Variants in COX7B2 observed in about 807,000 individuals in gnomAD.
The protein encoded by COX7B2 is cytochrome c oxidase subunit 7B2.
For synonymous variants in COX7B2, 37 were observed against 32.1 expected, an observed-to-expected ratio of 1.15 and a Z score of -0.51; for missense variants, 109 against 95.9, an observed-to-expected ratio of 1.14 and a Z score of -0.57.
intron 2 of COX7B2, among the ~76,000 whole-genome samples, chr4:46,771,696 A>G (rs1392859168): frequency 1.3e-5 from 2 of 152,142 alleles, no homozygotes; most frequent in Non-Finnish European, 2.9e-5. Context: ...TCAGATTCTC[A>G]GATTAGAGAT....
chr4:46,781,951 G>A (rs1295721735), intron 2 of COX7B2, among the ~76,000 whole-genome samples: 1 of 152,152 alleles, frequency 6.6e-6, no homozygotes, highest in Non-Finnish European at 1.5e-5. Flanking sequence ...ATCCCGCCCG[G>A]AGGGCTCCTG....
chr4:46,889,325 C>T (rs1043744117), intron 1 of COX7B2, among the ~76,000 whole-genome samples: 10 of 152,160 alleles, frequency 6.6e-5, no homozygotes, highest in African/African-American at 2.2e-4. Context: ...GTCACCTATT[C>T]CCTGGATGTA....
intron 2 of COX7B2, among the ~76,000 whole-genome samples, chr4:46,804,744 A>G (rs554851003): frequency 1.0e-3 from 158 of 152,308 alleles, no homozygotes; most frequent in African/African-American, 3.6e-3. Context: ...TCCCCACCAG[A>G]CTCAGGAGCC....
At chr4:46,832,310 A>G (rs1300574176) in intron 2 of COX7B2, among the ~76,000 whole-genome samples, 6 of 152,130 alleles carry the variant, frequency 3.9e-5, no homozygotes, top group African/African-American at 1.4e-4. Context: ...TGAACATCAG[A>G]AGGAACAAAC....
chr4:46,908,913 G>A (rs1023951361), intron 1 of COX7B2, among the ~76,000 whole-genome samples: 3 of 151,844 alleles, frequency 2.0e-5, no homozygotes, highest in South Asian at 2.1e-4. Flanking sequence ...GCGTGGTGGC[G>A]GGCCCCTGTA....
At chr4:46,753,792 GA>G (rs1715565405) in intron 2 of COX7B2, among the ~76,000 whole-genome samples, 1 of 151,950 alleles carries the variant, frequency 6.6e-6, no homozygotes. Context: ...CAGAATGGGA[GA>G]AAATTTTTGC....
At chr4:46,786,688 G>A (rs1171953867) in intron 2 of COX7B2, among the ~76,000 whole-genome samples, 1 of 152,150 alleles carries the variant, frequency 6.6e-6, no homozygotes, top group Admixed American at 6.5e-5. Flanking sequence ...AAAGTAGCCT[G>A]AAGAAGCCTG....
chr4:46,847,920 T>A (rs1325548822), intron 1 of COX7B2, among the ~76,000 whole-genome samples: 1 of 151,976 alleles, frequency 6.6e-6, no homozygotes, highest in Non-Finnish European at 1.5e-5. Context: ...TTTTACCCCC[T>A]CTTAGCAGAA....
At chr4:46,836,802 G>T (rs1220903710) in intron 2 of COX7B2, among the ~76,000 whole-genome samples, 1 of 152,046 alleles carries the variant, frequency 6.6e-6, no homozygotes, top group Non-Finnish European at 1.5e-5. Context: ...ATGACATTAT[G>T]ACTGTTACAA....
intron 2 of COX7B2, among the ~76,000 whole-genome samples, chr4:46,742,103 G>T (rs114031614): frequency 0.011 from 1,716 of 152,246 alleles, 19 homozygotes; most frequent in Middle Eastern, 0.037. Context: ...TGACCTGAAA[G>T]AGTTATAGGG....
intron 2 of COX7B2, among the ~76,000 whole-genome samples, chr4:46,842,846 G>T (rs1216809308): frequency 1.3e-5 from 2 of 152,024 alleles, no homozygotes; most frequent in East Asian, 1.9e-4. Flanking sequence ...ATTGTGAATA[G>T]TGCTGCTATA....
At chr4:46,793,532 G>GTAAGTT (rs563114202) in intron 2 of COX7B2, among the ~76,000 whole-genome samples, 29 of 152,302 alleles carry the variant, frequency 1.9e-4, no homozygotes, top group Middle Eastern at 3.4e-3. Context: ...AACAAATATA[G>GTAAGTT]TAAGTTTGGC....
chr4:46,857,269 C>A (rs2109792005), intron 1 of COX7B2, among the ~76,000 whole-genome samples: 1 of 152,302 alleles, frequency 6.6e-6, no homozygotes, highest in East Asian at 1.9e-4. Flanking sequence ...CTATCTGGCT[C>A]TTGTGAGAAT....
At chr4:46,855,957 T>C (rs1007087776) in intron 1 of COX7B2, among the ~76,000 whole-genome samples, 2 of 152,072 alleles carry the variant, frequency 1.3e-5, no homozygotes, top group Non-Finnish European at 2.9e-5. Context: ...ATTTAAAAAA[T>C]CCCTGGCTGG....
At chr4:46,770,079 T>C (rs913337669) in intron 2 of COX7B2, among the ~76,000 whole-genome samples, 1 of 152,218 alleles carries the variant, frequency 6.6e-6, no homozygotes, top group South Asian at 2.1e-4. Flanking sequence ...GCAGATGACA[T>C]GATCTTACAC....
At chr4:46,783,686 A>G (rs1017307529) in intron 2 of COX7B2, among the ~76,000 whole-genome samples, 1 of 152,212 alleles carries the variant, frequency 6.6e-6, no homozygotes, top group Non-Finnish European at 1.5e-5. Flanking sequence ...GAGGCCAAAT[A>G]ACATTTTGTT....
At chr4:46,777,356 T>C (rs951959156) in intron 2 of COX7B2, among the ~76,000 whole-genome samples, 1 of 151,822 alleles carries the variant, frequency 6.6e-6, no homozygotes, top group Non-Finnish European at 1.5e-5. Flanking sequence ...AGCCAGTAGC[T>C]ATAGGGGAAA....
At chr4:46,781,259 C>T (rs1037720288) in intron 2 of COX7B2, among the ~76,000 whole-genome samples, 3 of 152,112 alleles carry the variant, frequency 2.0e-5, no homozygotes, top group Non-Finnish European at 2.9e-5. Context: ...TACTGCTATT[C>T]GGATAATAGA....
chr4:46,803,535 C>A (rs938465856), intron 2 of COX7B2, among the ~76,000 whole-genome samples: 20 of 151,966 alleles, frequency 1.3e-4, no homozygotes, highest in African/African-American at 4.8e-4. Context: ...AGGTAATGTT[C>A]CTTTAAGAGT....
Sources: gnomAD v4.1 joint callset for allele counts (sites outside exome capture counted in the v4.1 genomes callset) on GRCh38, gnomAD v4.1.1 for gene constraint, MANE v1.5 for transcripts, NCBI Gene and HGNC (gene_info 2026-07-23, HGNC 2026-07-21) for gene names.